The following VGLL1 variants were observed in gnomAD, a reference collection of about 807,000 sequenced individuals.
VGLL1 encodes the protein vestigial like family member 1.
VGLL1 carries 4 observed loss-of-function variants against 12.0 expected under a neutral mutation model. The ratio of observed to expected loss-of-function variants is 0.33; its 90% confidence interval spans 0.16 to 0.76. VGLL1 has a LOEUF of 0.76. Among genes scored for constraint, VGLL1 ranks in the 30% least tolerant of loss-of-function variants. VGLL1 has a pLI of 0.60. For synonymous variants in VGLL1, 87 were observed against 81.2 expected, an observed-to-expected ratio of 1.07 and a Z score of -0.39; for missense variants, 204 against 208.7, an observed-to-expected ratio of 0.98 and a Z score of 0.14.
At chrX:136,533,121 C>G (rs2075830641) in intron 1 of VGLL1, among the ~76,000 whole-genome samples, 1 of 111,411 alleles carries the variant, frequency 9.0e-6, no homozygotes, top group African/African-American at 3.3e-5. Context: ...TGACAGTTCT[C>G]AGAATTTTAA....
chrX:136,556,315 T>G, intron 4 of VGLL1, 136 bp from the exon 5 acceptor site: 1 of 435,586 alleles, frequency 2.3e-6, no homozygotes, highest in Non-Finnish European at 4.0e-6. Context: ...TTCATGAGTT[T>G]CTGTCTTCCC....
intron 2 of VGLL1, among the ~76,000 whole-genome samples, chrX:136,542,400 G>T (rs754688911): frequency 1.8e-5 from 2 of 111,753 alleles, no homozygotes; most frequent in Non-Finnish European, 3.8e-5. Context: ...TTCAGTCCAC[G>T]AAATCCACTG....
At chrX:136,538,521 A>T (rs780065970) in intron 2 of VGLL1, among the ~76,000 whole-genome samples, 1 of 112,313 alleles carries the variant, frequency 8.9e-6, no homozygotes, top group East Asian at 2.8e-4. Flanking sequence ...GTGAGCAAAT[A>T]TATCAGGGTC....
At chrX:136,552,575 T>A (rs1456511667) in intron 4 of VGLL1, among the ~76,000 whole-genome samples, 1 of 112,486 alleles carries the variant, frequency 8.9e-6, no homozygotes, top group Non-Finnish European at 1.9e-5. Context: ...ACATACTCCA[T>A]CTTGCTTAGT....
chrX:136,546,678 C>T (rs1163576178), intron 2 of VGLL1, among the ~76,000 whole-genome samples: 1 of 112,413 alleles, frequency 8.9e-6, no homozygotes, highest in Non-Finnish European at 1.9e-5. Flanking sequence ...ATCTGTAAGG[C>T]CTGTTCACAT....
intron 2 of VGLL1, among the ~76,000 whole-genome samples, chrX:136,537,854 C>G (rs908699447): frequency 2.7e-5 from 3 of 110,360 alleles, no homozygotes; most frequent in African/African-American, 9.9e-5. Context: ...GTGTGAACCA[C>G]CACACCCAGC....
chrX:136,548,622 C>T lies in VGLL1; in HGVS notation c.248C>T (p.Ser83Leu), dbSNP rs200751187. 4.5e-5 allele frequency: 55 copies of T among 1,210,149 alleles called. 1 individual carries two copies. The Admixed American group carries it at 8.9e-4, about 20-fold the overall frequency. Reference sequence around the variant, plus strand: ...ATGTCTCCAAATCAGTGGCGTTACTCGTCTCCATGGACAAAGCCACAACCA... The same window carrying T: ...ATGTCTCCAAATCAGTGGCGTTACTTGTCTCCATGGACAAAGCCACAACCA... ...DSMSPNQWRY[S>L]SPWTKPQPEV... The change falls in exon 3 of 5, where the codon TCG becomes TTG. Residue 83 changes from serine (S) to leucine (L), a missense_variant. Coordinates refer to ENST00000370634, the MANE Select transcript of VGLL1 (RefSeq NM_016267.4).
chrX:136,538,015 A>C (rs757732518), intron 2 of VGLL1, among the ~76,000 whole-genome samples: 28 of 112,105 alleles, frequency 2.5e-4, no homozygotes, highest in Non-Finnish European at 3.9e-4. Flanking sequence ...TAGGGGCCAG[A>C]GGGAAGTAGA....
At chrX:136,533,610 A>G (rs916082602) in intron 1 of VGLL1, among the ~76,000 whole-genome samples, 2 of 111,827 alleles carry the variant, frequency 1.8e-5, no homozygotes, top group Admixed American at 1.9e-4. Context: ...AAAGTTGTTC[A>G]CTGGCCCTTC....
chrX:136,545,825 G>A (rs909077158), intron 2 of VGLL1, among the ~76,000 whole-genome samples: 5 of 111,199 alleles, frequency 4.5e-5, no homozygotes, highest in African/African-American at 1.3e-4. Flanking sequence ...AATGTGTGGC[G>A]CCTCTGGGTA....
At chrX:136,532,593 C>A (rs868651235) in intron 1 of VGLL1, among the ~76,000 whole-genome samples, 124 of 60,822 alleles carry the variant, frequency 2.0e-3, no homozygotes, top group South Asian at 4.4e-3. Context: ...TTCTTTCTTT[C>A]TTTCTTTCTT....
Position 136,556,530 on chromosome X carries a change from G to A in VGLL1, c.768G>A (p.Gln256=). 1.7e-6 allele frequency: 2 copies of A among 1,209,303 alleles called. No individual in the cohort carries two copies. Among genetic ancestry groups the A allele is most frequent in the Non-Finnish European group, 2.2e-6 (2 of 893,397 alleles). Residue 256 remains glutamine (Q), a synonymous_variant, in exon 5 of 5, where the codon CAG becomes CAA. Coordinates refer to ENST00000370634, the MANE Select transcript of VGLL1 (RefSeq NM_016267.4). ...GGGGCCACCCACATCGATACCTGCA[G>A]CATCTTTAGTCAAGTTGGAGGAGAA... ...NHWGHPHRYL[Q]HL
intron 3 of VGLL1, chrX:136,550,386 C>T (rs1214242236): frequency 7.2e-6 from 1 of 139,135 alleles, no homozygotes. Flanking sequence ...TAGTGAGCAT[C>T]TACTGTAAGC....
chrX:136,544,389 C>T (rs1255568817), intron 2 of VGLL1, among the ~76,000 whole-genome samples: 1 of 112,107 alleles, frequency 8.9e-6, no homozygotes, highest in African/African-American at 3.2e-5. Context: ...TGATATTTAC[C>T]GACAAATTTC....
chrX:136,532,645 CT>C (rs1249560305), intron 1 of VGLL1, among the ~76,000 whole-genome samples: 1 of 77,997 alleles, frequency 1.3e-5, no homozygotes, highest in Non-Finnish European at 2.6e-5. Context: ...TTCTTTCTTT[CT>C]TTCTTTCTTT....
At chrX:136,551,061 A>G in intron 4 of VGLL1, 1 of 314,327 alleles carries the variant, frequency 3.2e-6, no homozygotes, top group Non-Finnish European at 5.6e-6. Context: ...TATAGAAGAA[A>G]CTCTCCTTAG....
At chrX:136,540,261 G>T (rs1225189209) in intron 2 of VGLL1, among the ~76,000 whole-genome samples, 1 of 111,221 alleles carries the variant, frequency 9.0e-6, no homozygotes, top group Non-Finnish European at 1.9e-5. Flanking sequence ...AGTCTATAAT[G>T]GGGCCCTACC....
chrX:136,543,731 C>G (rs938367488), intron 2 of VGLL1, among the ~76,000 whole-genome samples: 2 of 99,353 alleles, frequency 2.0e-5, no homozygotes. Context: ...TGTCAGTACA[C>G]TCCAGCCTGG....
chrX:136,544,885 C>T (rs2075865590), intron 2 of VGLL1, among the ~76,000 whole-genome samples: 1 of 111,959 alleles, frequency 8.9e-6, no homozygotes, highest in Admixed American at 9.4e-5. Context: ...CCCCTCCCTT[C>T]TCCAGCACTA....
Sources: gnomAD v4.1 joint callset for allele counts (sites outside exome capture counted in the v4.1 genomes callset) on GRCh38, gnomAD v4.1.1 for gene constraint, MANE v1.5 for transcripts, NCBI Gene and HGNC (gene_info 2026-07-23, HGNC 2026-07-21) for gene names.